The following TRPM7 variants were observed in gnomAD, a reference collection of about 807,000 sequenced individuals.
The protein encoded by TRPM7 is LTRPC ion channel family member 7.
Under a neutral mutation model 229.7 loss-of-function variants are expected in TRPM7, and 134 were observed. The observed-to-expected ratio is 0.58, with a 90% CI of 0.51 to 0.67. The LOEUF is 0.67. TRPM7 is among the 30% of genes least tolerant of loss of function. The pLI is 0.00. For missense variants in TRPM7, 1,901 were observed against 2,210.0 expected, an observed-to-expected ratio of 0.86 and a Z score of 2.80; for synonymous variants, 699 against 715.2, an observed-to-expected ratio of 0.98 and a Z score of 0.36.
In TRPM7 at chr15:50,592,030, A is replaced by G; in HGVS notation, c.4205T>C (p.Phe1402Ser). Residue 1402 changes from phenylalanine (F) to serine (S), a missense_variant, in exon 26 of 39, where the codon TTT becomes TCT. Phe to Ser is a radical substitution (Grantham distance 155, BLOSUM62 -2). This residue lies in a region of TRPM7 where 533 missense variants were observed against 497.1 expected (regional missense o/e 1.07). Coordinates refer to ENST00000646667, the MANE Select transcript of TRPM7 (RefSeq NM_017672.6). ...ACTTGGCTGAGATGGTGTACTAACA[A>G]AAAATTTGGTTGGTGGGGATGACAG... ...PHLSSPPTKF[F>S]VSTPSQPSCK... 6.2e-7 allele frequency: 1 copy of G among 1,613,482 alleles called. No homozygotes were observed. The highest frequency in any genetic ancestry group is 8.5e-7 in the Non-Finnish European group (1 of 1,179,758).
intron 1 of TRPM7, among the ~76,000 whole-genome samples, chr15:50,672,094 G>A (rs973881742): frequency 9.9e-5 from 15 of 152,018 alleles, no homozygotes; most frequent in African/African-American, 1.4e-4. Flanking sequence ...TCTCACTGTC[G>A]CCCAGGCTGG....
At chr15:50,682,360 A>G (rs1000506253) in intron 1 of TRPM7, among the ~76,000 whole-genome samples, 2 of 150,856 alleles carry the variant, frequency 1.3e-5, no homozygotes, top group African/African-American at 4.9e-5. Flanking sequence ...AATCCAGAGC[A>G]TGAGGTCAAG....
intron 1 of TRPM7, among the ~76,000 whole-genome samples, chr15:50,664,127 G>A (rs2061815025): frequency 6.6e-6 from 1 of 151,738 alleles, no homozygotes; most frequent in Admixed American, 6.6e-5. Flanking sequence ...GTAAAACCCC[G>A]TCTCTACTAA....
chr15:50,655,095 G>A (rs1276565600), intron 3 of TRPM7, among the ~76,000 whole-genome samples: 12 of 140,036 alleles, frequency 8.6e-5, no homozygotes, highest in Non-Finnish European at 1.2e-4. Flanking sequence ...GACATCAATA[G>A]AAATTATTCA....
chr15:50,582,931 AAACTTTTCTGT>A (rs1238036933), intron 29 of TRPM7, 147 bp downstream of exon 29: 4 of 420,168 alleles, frequency 9.5e-6, no homozygotes, highest in Middle Eastern at 6.6e-4. Context: ...TCACTGTAAG[AAACTTTTCTGT>A]AACTGCTACT....
chr15:50,580,818 C>T, intron 30 of TRPM7, 56 bp downstream of exon 30: 4 of 1,504,240 alleles, frequency 2.7e-6, no homozygotes, highest in Non-Finnish European at 1.8e-6. Flanking sequence ...GGAAAAAAGA[C>T]AACATTCAAT....
chr15:50,576,223 T>C (rs1394294495), intron 31 of TRPM7, among the ~76,000 whole-genome samples: 2 of 152,202 alleles, frequency 1.3e-5, no homozygotes, highest in Admixed American at 6.5e-5. Context: ...AATCTCTCTT[T>C]GATTCTGATG....
chr15:50,647,617 C>A (rs1231928608), intron 4 of TRPM7, among the ~76,000 whole-genome samples: 1 of 151,994 alleles, frequency 6.6e-6, no homozygotes, highest in African/African-American at 2.4e-5. Context: ...TGGTGGCACA[C>A]ACTTGTAGTC....
chr15:50,575,351 T>C (rs2054081474), intron 33 of TRPM7, among the ~76,000 whole-genome samples: 1 of 152,076 alleles, frequency 6.6e-6, no homozygotes, highest in African/African-American at 2.4e-5. Flanking sequence ...ATTTTTGAAA[T>C]TCTGGCATTT....
At chr15:50,585,048 G>GTT (rs1488163306) in intron 28 of TRPM7, among the ~76,000 whole-genome samples, 4,628 of 85,182 alleles carry the variant, frequency 0.054, 182 homozygotes, top group African/African-American at 0.098. Flanking sequence ...GCTAATTTTT[G>GTT]TATTTTTTTT....
intron 1 of TRPM7, among the ~76,000 whole-genome samples, chr15:50,681,682 C>T (rs2062242306): frequency 6.6e-6 from 1 of 152,194 alleles, no homozygotes; most frequent in Admixed American, 6.6e-5. Context: ...AAGCTTTTTG[C>T]TCACTTTCCA....
At chr15:50,679,478 A>T (rs1210746712) in intron 1 of TRPM7, among the ~76,000 whole-genome samples, 1 of 140,166 alleles carries the variant, frequency 7.1e-6, no homozygotes, top group Non-Finnish European at 1.5e-5. Flanking sequence ...TTTCATTTAT[A>T]TATATATATA....
intron 1 of TRPM7, among the ~76,000 whole-genome samples, chr15:50,669,881 G>C (rs1402993875): frequency 6.6e-6 from 1 of 152,168 alleles, no homozygotes; most frequent in East Asian, 1.9e-4. Context: ...GGTTCCAACA[G>C]TTGCCAGTTC....
chr15:50,679,538 A>ATATATTTTTTTTTTTTTTTT (rs1400383980), intron 1 of TRPM7, among the ~76,000 whole-genome samples: 1 of 43,904 alleles, frequency 2.3e-5, no homozygotes, highest in African/African-American at 1.1e-4. Context: ...ATATATATAT[A>ATATATTTTTTTTTTTTTTTT]TTTTTTTTTT....
chr15:50,596,074 C>T (rs1399234001), intron 23 of TRPM7, among the ~76,000 whole-genome samples, 181 bp downstream of exon 23: 1 of 152,016 alleles, frequency 6.6e-6, no homozygotes, highest in Non-Finnish European at 1.5e-5. Context: ...GATAATCAAA[C>T]TTAAAATTTA....
intron 3 of TRPM7, among the ~76,000 whole-genome samples, chr15:50,651,488 A>T (rs11070801): frequency 0.33 from 49,871 of 151,792 alleles, 9,975 homozygotes; most frequent in Admixed American, 0.47. Flanking sequence ...TAATAAAAAT[A>T]AAAAAAATTT....
chr15:50,581,368 G>A (rs960046124), intron 29 of TRPM7, among the ~76,000 whole-genome samples: 3 of 151,848 alleles, frequency 2.0e-5, no homozygotes, highest in Non-Finnish European at 4.4e-5. Context: ...GCGTGGTGGC[G>A]GGCGCCTATA....
At chr15:50,632,674 T>C (rs984532298) in intron 9 of TRPM7, among the ~76,000 whole-genome samples, 195 bp downstream of exon 9, 3 of 152,194 alleles carry the variant, frequency 2.0e-5, no homozygotes, top group Admixed American at 1.3e-4. Context: ...CAATACCATA[T>C]AAAAAACTAC....
At chr15:50,578,701 T>A (rs781432723) in intron 30 of TRPM7, 37 bp from the exon 31 acceptor site, 10 of 1,498,156 alleles carry the variant, frequency 6.7e-6, no homozygotes, top group Non-Finnish European at 9.0e-6. Context: ...TAAGCTGTGC[T>A]ATGATTTAAG....
Sources: gnomAD v4.1 joint callset for allele counts (sites outside exome capture counted in the v4.1 genomes callset) on GRCh38, gnomAD v4.1.1 for gene constraint, gnomAD v4.1.1 regional missense constraint, MANE v1.5 for transcripts, NCBI Gene and HGNC (gene_info 2026-07-23, HGNC 2026-07-21) for gene names.